The following GRID2 variants were observed in gnomAD, a reference collection of about 807,000 sequenced individuals.
The protein encoded by GRID2 is glutamate receptor ionotropic, delta-2.
In GRID2, 33 loss-of-function variants were observed where a neutral mutation model predicts 114.8. That is an observed-to-expected ratio of 0.29 (90% confidence interval 0.22 to 0.38). The LOEUF is 0.38. Among genes scored for constraint, GRID2 ranks in the 10% least tolerant of loss-of-function variants. The pLI, the probability that GRID2 is intolerant of heterozygous loss-of-function variation, is 1.00. For synonymous variants in GRID2, 505 were observed against 449.9 expected, an observed-to-expected ratio of 1.12 and a Z score of -1.55; for missense variants, 1,184 against 1,257.7, an observed-to-expected ratio of 0.94 and a Z score of 0.89.
chr4:93,466,947 T>C (rs909172291), intron 11 of GRID2, among the ~76,000 whole-genome samples: 1 of 152,242 alleles, frequency 6.6e-6, no homozygotes, highest in Admixed American at 6.5e-5. Flanking sequence ...GGTTTCATTG[T>C]AAACTTAAAT....
chr4:93,325,809 T>C (rs1757771879), intron 8 of GRID2, among the ~76,000 whole-genome samples: 1 of 152,188 alleles, frequency 6.6e-6, no homozygotes, highest in Non-Finnish European at 1.5e-5. Context: ...TTGTTCACTT[T>C]TGTTTTTTTG....
At chr4:93,079,188 A>T (rs938191937) in intron 2 of GRID2, among the ~76,000 whole-genome samples, 1 of 151,790 alleles carries the variant, frequency 6.6e-6, no homozygotes, top group Non-Finnish European at 1.5e-5. Flanking sequence ...TACATCAATG[A>T]TGGTAGAATC....
At chr4:92,685,913 C>A (rs1733876855) in intron 2 of GRID2, among the ~76,000 whole-genome samples, 1 of 151,934 alleles carries the variant, frequency 6.6e-6, no homozygotes, top group South Asian at 2.1e-4. Flanking sequence ...TACAATATGC[C>A]ACAAAATTTT....
intron 14 of GRID2, among the ~76,000 whole-genome samples, chr4:93,709,321 T>C (rs912908651): frequency 2.0e-5 from 3 of 152,196 alleles, no homozygotes; most frequent in Admixed American, 2.0e-4. Flanking sequence ...GGAAAGTATT[T>C]CTCCTTTGTG....
At chr4:92,439,068 T>C (rs1732879078) in intron 1 of GRID2, among the ~76,000 whole-genome samples, 2 of 151,624 alleles carry the variant, frequency 1.3e-5, no homozygotes, top group Admixed American at 6.6e-5. Context: ...CGAAGGGAGA[T>C]AAGGGTGGGG....
chr4:92,530,296 A>G (rs946297972), intron 1 of GRID2, among the ~76,000 whole-genome samples: 1 of 152,026 alleles, frequency 6.6e-6, no homozygotes, highest in Non-Finnish European at 1.5e-5. Context: ...GGCTGATATT[A>G]TCTGAATGTG....
intron 4 of GRID2, among the ~76,000 whole-genome samples, chr4:93,161,073 A>G (rs1737648825): frequency 6.6e-6 from 1 of 151,870 alleles, no homozygotes; most frequent in Admixed American, 6.6e-5. Context: ...CTGTAGCGGT[A>G]GCATATCATA....
At chr4:92,671,015 A>G (rs1273224119) in intron 2 of GRID2, among the ~76,000 whole-genome samples, 1 of 152,140 alleles carries the variant, frequency 6.6e-6, no homozygotes, top group Non-Finnish European at 1.5e-5. Context: ...TACTAACTGT[A>G]TTAGTCTGTT....
intron 2 of GRID2, among the ~76,000 whole-genome samples, chr4:92,640,117 T>C (rs1225395468): frequency 6.6e-6 from 1 of 151,734 alleles, no homozygotes. Flanking sequence ...TTAGCTACTT[T>C]TAGAATATTG....
chr4:93,401,342 C>T (rs1765866126), intron 9 of GRID2, among the ~76,000 whole-genome samples: 1 of 151,950 alleles, frequency 6.6e-6, no homozygotes, highest in South Asian at 2.1e-4. Flanking sequence ...AATTAAAAAA[C>T]ATAGTTTTTC....
chr4:92,490,142 AGAT>A (rs1020902567), intron 1 of GRID2, among the ~76,000 whole-genome samples: 4 of 152,168 alleles, frequency 2.6e-5, no homozygotes, highest in African/African-American at 9.6e-5. Context: ...TTATAGTAAT[AGAT>A]GATATCATTA....
At chr4:93,168,406 A>G (rs1037755484) in intron 4 of GRID2, among the ~76,000 whole-genome samples, 3 of 152,168 alleles carry the variant, frequency 2.0e-5, no homozygotes, top group African/African-American at 7.2e-5. Context: ...CTCACTAGCT[A>G]TACGTCTTAC....
intron 2 of GRID2, among the ~76,000 whole-genome samples, chr4:93,042,266 TCTCTCTCTTTCTC>T (rs1725598746): frequency 2.4e-5 from 2 of 82,036 alleles, no homozygotes; most frequent in Admixed American, 1.9e-4. Flanking sequence ...TCTCTCTCTC[TCTCTCTCTTTCTC>T]TCTCTCTCTC....
At chr4:93,691,876 A>G (rs1370223483) in intron 14 of GRID2, among the ~76,000 whole-genome samples, 3 of 151,990 alleles carry the variant, frequency 2.0e-5, no homozygotes, top group Non-Finnish European at 4.4e-5. Context: ...AATTTCAAAT[A>G]TAAGTATATT....
intron 13 of GRID2, among the ~76,000 whole-genome samples, chr4:93,616,785 G>A (rs1444777476): frequency 2.6e-5 from 4 of 151,366 alleles, no homozygotes; most frequent in South Asian, 2.1e-4. Flanking sequence ...TCAGTGAGGC[G>A]ATCGAGACCA....
chr4:92,568,517 TA>T (rs1727449265), intron 1 of GRID2, among the ~76,000 whole-genome samples: 1 of 152,072 alleles, frequency 6.6e-6, no homozygotes, highest in African/African-American at 2.4e-5. Flanking sequence ...GGAACTCTAC[TA>T]GTCTGTCATC....
chr4:93,592,899 C>A (rs1390658394), intron 13 of GRID2, among the ~76,000 whole-genome samples: 1 of 151,322 alleles, frequency 6.6e-6, no homozygotes, highest in South Asian at 2.1e-4. Flanking sequence ...TTTTTGTTTT[C>A]CATTTGCTTG....
chr4:93,703,400 A>G (rs1040765935), intron 14 of GRID2, among the ~76,000 whole-genome samples: 1 of 152,156 alleles, frequency 6.6e-6, no homozygotes, highest in Non-Finnish European at 1.5e-5. Context: ...TTGTATTATA[A>G]CCATTCCAAT....
intron 2 of GRID2, among the ~76,000 whole-genome samples, chr4:92,640,144 G>A (rs1191026827): frequency 2.6e-5 from 4 of 151,534 alleles, no homozygotes; most frequent in African/African-American, 9.7e-5. Flanking sequence ...TTTTAATACC[G>A]TTTTACACAA....
Sources: gnomAD v4.1 joint callset for allele counts (sites outside exome capture counted in the v4.1 genomes callset) on GRCh38, gnomAD v4.1.1 for gene constraint, MANE v1.5 for transcripts, NCBI Gene and HGNC (gene_info 2026-07-23, HGNC 2026-07-21) for gene names.